TGM2: variants seen among roughly 807,000 people sequenced by gnomAD.
The protein encoded by TGM2 is protein-glutamine gamma-glutamyltransferase 2.
Under a neutral mutation model 75.6 loss-of-function variants are expected in TGM2, and 53 were observed. The observed-to-expected ratio is 0.70, with a 90% confidence interval of 0.56 to 0.88. The LOEUF is 0.88. Ranked by LOEUF, TGM2 falls within the 40% of genes least tolerant of loss-of-function variation. The probability of loss-of-function intolerance (pLI) is 0.00; values close to 1 mark genes in which losing one functional copy is unlikely to be tolerated. For missense variants in TGM2, 842 were observed against 928.5 expected (o/e 0.91, Z 1.21); for synonymous variants, 374 against 381.1 (o/e 0.98, Z 0.22).
intron 12 of TGM2, among the ~76,000 whole-genome samples, chr20:38,130,620 C>T (rs1179808374): frequency 6.6e-6 from 1 of 152,192 alleles, no homozygotes; most frequent in African/African-American, 2.4e-5. Context: ...GCTCAGGTAG[C>T]CGTGTGTGTG....
rs113235218 is a variant in TGM2 at position 38,142,333 on chromosome 20, C to T, written c.860-134G>A. 85 of 1,415,802 alleles carry T rather than the reference C, an allele frequency of 6.0e-5. 1 individual carries two copies. In the African/African-American group the frequency reaches 9.2e-4, roughly 15 times the overall value. 87.7% of individuals were successfully genotyped at this position (1,415,802 alleles called of 1,614,324 possible). On this transcript the variant is annotated intron_variant, in intron 6 of 12. Transcript: ENST00000361475. ...TGCTGAGAACATGAGCCAGCCCTTCCTGCCGGGACAATGGCGCCCACCTCT... is the reference window on the plus strand; with the variant it reads ...TGCTGAGAACATGAGCCAGCCCTTCTTGCCGGGACAATGGCGCCCACCTCT...
rs1024304169 is a variant in TGM2 at position 38,127,413 on chromosome 20, T to G, written c.*2806A>C. On this transcript the variant is annotated 3_prime_UTR_variant, in exon 13 of 13. Transcript: ENST00000361475. ...GATGTCATGTTTTTATTTTGATTTA[T>G]TTTTTATGTGCATGTCATGTCTTTC... The G allele has an allele frequency of 6.0e-5, 59 of 977,708 alleles. No individual in the cohort carries two copies. The highest frequency in any genetic ancestry group is 7.0e-5 in the Non-Finnish European group (58 of 822,996). 60.6% of individuals were successfully genotyped at this position (977,708 alleles called of 1,614,324 possible).
At chr20:38,153,264 C>T (rs1431809008) in intron 3 of TGM2, among the ~76,000 whole-genome samples, 2 of 152,092 alleles carry the variant, frequency 1.3e-5, no homozygotes, top group Non-Finnish European at 2.9e-5. Context: ...GTGGCTCACG[C>T]CTGTAATCCT....
chr20:38,155,757 C>A (rs1303668418), intron 3 of TGM2, 90 bp downstream of exon 3: 3 of 1,500,730 alleles, frequency 2.0e-6, no homozygotes, highest in Non-Finnish European at 2.7e-6. Flanking sequence ...TGTCTCTTAT[C>A]CCCTGTTCTT....
intron 8 of TGM2, 100 bp downstream of exon 8, chr20:38,141,182 C>T (rs1190424088): frequency 5.4e-6 from 5 of 919,922 alleles, no homozygotes; most frequent in South Asian, 1.4e-5. Flanking sequence ...CAGTGGTCTC[C>T]GGGTGAGCTC....
Position 38,138,325 on chromosome 20 carries a change from T to C in TGM2, c.1403A>G (p.Lys468Arg). 2.5e-6 allele frequency: 4 copies of C among 1,614,200 alleles called. No individual in the cohort carries two copies. Among genetic ancestry groups the C allele is most frequent in the East Asian group, 4.5e-5 (2 of 44,890 alleles). Residue 468 changes from lysine to arginine, a missense_variant, in exon 10 of 13, where the codon AAG (lysine) becomes AGG (arginine). By Grantham distance (26) the Lys-to-Arg change is conservative. Coordinates refer to ENST00000361475, the MANE Select transcript of TGM2 (RefSeq NM_004613.4). ...CCGCATGGCCATCCCTGTCTCCTCC[T>C]TCTCGGCCAGTTTGTTCAGGTGGTT... ...RANHLNKLAE[K>R]EETGMAMRIR...
intron 8 of TGM2, 43 bp downstream of exon 8, chr20:38,141,239 C>T (rs534004085): frequency 3.4e-5 from 51 of 1,494,334 alleles, no homozygotes; most frequent in Non-Finnish European, 3.6e-5. Flanking sequence ...CTCCAAGCCT[C>T]GTCTTCCCCA....
rs373863761 is a variant in TGM2, at chr20:38,132,439, G to A, written c.1677C>T (p.Asn559=). ...EKYRDCLTES[N]LIKVRALLVE... ...CGAGGAGGGCCCGCACCTTGATGAGGTTGGACTCCGTAAGGCAGTCACGGT... is the reference window on the plus strand; with the variant it reads ...CGAGGAGGGCCCGCACCTTGATGAGATTGGACTCCGTAAGGCAGTCACGGT... The change falls in exon 11 of 13, where the codon AAC becomes AAT. Residue 559 remains asparagine, a synonymous_variant. Transcript: ENST00000361475. 6.2e-7 allele frequency: 1 copy of A among 1,614,166 alleles called. No individual in the cohort carries two copies. Among genetic ancestry groups the A allele is most frequent in the Non-Finnish European group, 8.5e-7 (1 of 1,180,024 alleles).
intron 4 of TGM2, among the ~76,000 whole-genome samples, chr20:38,149,595 C>T (rs559304438): frequency 6.8e-5 from 10 of 147,948 alleles, no homozygotes; most frequent in African/African-American, 2.3e-4. Flanking sequence ...AGGAGAATGG[C>T]GTGAACCCAG....
In TGM2 at chr20:38,150,985, T is replaced by C. The variant is rs2075109133; in HGVS notation, c.506A>G (p.Gln169Arg). 1 of 1,614,174 alleles carries C rather than the reference T, an allele frequency of 6.2e-7. No homozygotes were observed. Among genetic ancestry groups the C allele is most frequent in the Admixed American group, 1.7e-5 (1 of 60,028 alleles). Residue 169 changes from glutamine to arginine, a missense_variant, in exon 4 of 13, where the codon CAG becomes CGG. Gln to Arg is a conservative substitution (Grantham distance 43). Transcript: ENST00000361475. ...GTTCTTGATGAACTTGGCCGAGCCC[T>C]GGTAGATAAAGCCCTGCTGGGTGAG... is the stretch of plus-strand genomic sequence containing the variant. ...YVLTQQGFIY[Q>R]GSAKFIKNIP...
intron 12 of TGM2, 32 bp from the exon 13 acceptor site, chr20:38,130,401 G>A (rs778243000): frequency 1.9e-6 from 3 of 1,563,690 alleles, no homozygotes; most frequent in Admixed American, 3.8e-5. Flanking sequence ...TGAGGAAAGG[G>A]GCCCAAGGCC....
At chr20:38,147,902 G>A in intron 5 of TGM2, 59 bp downstream of exon 5, 2 of 1,572,982 alleles carry the variant, frequency 1.3e-6, no homozygotes, top group Non-Finnish European at 1.7e-6. Flanking sequence ...CTGCGAGGGA[G>A]AGGCCTGCGG....
In TGM2 at chr20:38,139,908, G is replaced by A. The variant is rs369107081; in HGVS notation, c.1100-254C>T. Among the ~76,000 whole-genome samples the A allele has an allele frequency of 9.3e-4, 141 of 152,308 alleles. 1 individual carries two copies. Among genetic ancestry groups the A allele is most frequent in the African/African-American group, 2.9e-3 (121 of 41,550 alleles). On this transcript the variant is annotated intron_variant, in intron 8 of 12. Coordinates refer to ENST00000361475, the MANE Select transcript of TGM2 (RefSeq NM_004613.4). Reference sequence around the variant, plus strand: ...ACTTTGGGCCAGTCACTAACTTCTCGAAGCGGCAGTTTCATGTGGAGATAA... The same window carrying A: ...ACTTTGGGCCAGTCACTAACTTCTCAAAGCGGCAGTTTCATGTGGAGATAA...
chr20:38,140,913 A>G (rs377480731), intron 8 of TGM2, among the ~76,000 whole-genome samples: 7 of 152,138 alleles, frequency 4.6e-5, no homozygotes, highest in Non-Finnish European at 5.9e-5. Flanking sequence ...ACATATATAT[A>G]TGTGTGTTTA....
intron 2 of TGM2, among the ~76,000 whole-genome samples, chr20:38,160,969 G>A (rs2075245142): frequency 6.6e-6 from 1 of 152,104 alleles, no homozygotes; most frequent in African/African-American, 2.4e-5. Context: ...CCTGGCTTGT[G>A]GATAGGAATT....
At chr20:38,148,373 G>A (rs1367800776) in intron 4 of TGM2, among the ~76,000 whole-genome samples, 1 of 152,178 alleles carries the variant, frequency 6.6e-6, no homozygotes. Context: ...GGAGCCCATG[G>A]AGTGGGCAGC....
At chr20:38,150,889 G>T in intron 4 of TGM2, 50 bp downstream of exon 4, 1 of 1,394,214 alleles carries the variant, frequency 7.2e-7, no homozygotes, top group Non-Finnish European at 1.0e-6. Context: ...ACAGGGCCGG[G>T]CACACAGAAG....
intron 1 of TGM2, among the ~76,000 whole-genome samples, chr20:38,164,749 G>C (rs897207772): frequency 1.3e-5 from 2 of 152,192 alleles, no homozygotes; most frequent in African/African-American, 4.8e-5. Context: ...GGCCGCTGGA[G>C]CCAAGGACTC....
intron 2 of TGM2, among the ~76,000 whole-genome samples, chr20:38,156,611 A>T (rs888269238): frequency 6.6e-6 from 1 of 152,230 alleles, no homozygotes; most frequent in Non-Finnish European, 1.5e-5. Context: ...CCCTTGCTGT[A>T]GGCCAGCGGA....
Sources: allele counts gnomAD v4.1 joint callset (sites outside exome capture counted in the v4.1 genomes callset), GRCh38; gene constraint gnomAD v4.1.1; transcripts MANE v1.5; gene names NCBI Gene and HGNC (gene_info 2026-07-23, HGNC 2026-07-21).